Variants in FBN2 observed in about 807,000 individuals in gnomAD.
The protein encoded by FBN2 is fibrillin 2.
Under a neutral mutation model 355.6 loss-of-function variants are expected in FBN2, and 105 were observed. The ratio of observed to expected loss-of-function variants is 0.30; its 90% CI spans 0.25 to 0.35. FBN2 has a LOEUF of 0.35. Among genes scored for constraint, FBN2 ranks in the 10% least tolerant of loss-of-function variants. The pLI is 1.00. For missense variants in FBN2, 3,280 were observed against 3,758.7 expected (o/e 0.87, Z 3.33); for synonymous variants, 1,350 against 1,301.2 (o/e 1.04, Z -0.81).
At chr5:128,309,633 A>G (rs1477861899) in intron 40 of FBN2, among the ~76,000 whole-genome samples, 1 of 152,174 alleles carries the variant, frequency 6.6e-6, no homozygotes, top group Non-Finnish European at 1.5e-5. Context: ...ATGTTAATAC[A>G]TATTTGTTTT....
intron 39 of FBN2, 64 bp downstream of exon 39, chr5:128,311,236 C>T: frequency 1.3e-6 from 2 of 1,578,354 alleles, no homozygotes; most frequent in South Asian, 2.2e-5. Context: ...GCCTTTCCCT[C>T]AGGCCTCAGC....
rs1229950368 is a variant in FBN2, at chr5:128,464,751, G to T, written c.799C>A (p.Pro267Thr). 2 of 1,613,748 alleles carry T rather than the reference G, an allele frequency of 1.2e-6. No homozygotes were observed. ...QPQPCRRGFI[P>T]NIRTGACQDV... is the part of the protein sequence containing the mutation. Reference sequence around the variant, plus strand: ...TGGCAAGCTCCAGTGCGGATGTTGGGGATGAAACCCCGTCGGCAGGGCTGA... The same window carrying T: ...TGGCAAGCTCCAGTGCGGATGTTGGTGATGAAACCCCGTCGGCAGGGCTGA... Residue 267 changes from proline (P) to threonine (T), a missense_variant, in exon 6 of 65, where the codon CCC becomes ACC. This residue lies in a region of FBN2 where 343 missense variants were observed against 331.0 expected (regional missense o/e 1.04). Coordinates refer to ENST00000262464, the MANE Select transcript of FBN2 (RefSeq NM_001999.4).
chr5:128,537,188 G>T (rs527296224), intron 1 of FBN2, among the ~76,000 whole-genome samples, 162 bp downstream of exon 1: 1 of 148,952 alleles, frequency 6.7e-6, no homozygotes, highest in South Asian at 2.1e-4. Context: ...AAGGAAAAGG[G>T]GGACGCGCTC....
intron 20 of FBN2, among the ~76,000 whole-genome samples, chr5:128,356,501 A>G (rs1055115746): frequency 6.6e-6 from 1 of 152,242 alleles, no homozygotes; most frequent in East Asian, 1.9e-4. Flanking sequence ...TTTGGAATAT[A>G]TATTTAGTTC....
intron 5 of FBN2, among the ~76,000 whole-genome samples, chr5:128,468,319 A>T (rs887472820): frequency 6.6e-6 from 1 of 152,138 alleles, no homozygotes; most frequent in African/African-American, 2.4e-5. Flanking sequence ...GCTGTACTAC[A>T]TCTGTTAACC....
At chr5:128,289,977 T>C (rs369642850) in intron 50 of FBN2, 30 bp from the exon 51 acceptor site, 17 of 1,285,252 alleles carry the variant, frequency 1.3e-5, no homozygotes, top group Admixed American at 5.1e-5. Flanking sequence ...TTCTCCATTA[T>C]TGAAGACTTG....
intron 7 of FBN2, chr5:128,442,231 T>G (rs1424919889): frequency 2.3e-6 from 1 of 441,332 alleles, no homozygotes; most frequent in Non-Finnish European, 4.5e-6. Context: ...AGGGAAACTT[T>G]CCAATACAAT....
rs760762713 is a variant in FBN2, at chr5:128,307,121, C to T, written c.5422+14G>A. ...ACATATGTATTAAAACAAACATAAT[C>T]TGGAAAAACTCACCAACAGCTTTTC... On this transcript the variant is annotated intron_variant, in intron 42 of 64. Transcript: ENST00000262464. The T allele has an allele frequency of 5.8e-6, 9 of 1,556,418 alleles. No individual in the cohort carries two copies. The highest frequency in any genetic ancestry group is 7.1e-6 in the Non-Finnish European group (8 of 1,128,000).
chr5:128,495,120 G>A (rs1400227887), intron 5 of FBN2, among the ~76,000 whole-genome samples: 1 of 152,096 alleles, frequency 6.6e-6, no homozygotes, highest in Non-Finnish European at 1.5e-5. Flanking sequence ...GAACCAAGTA[G>A]AAATTCTGGA....
chr5:128,340,056 G>T (rs1008509282), intron 25 of FBN2, among the ~76,000 whole-genome samples: 3 of 152,080 alleles, frequency 2.0e-5, no homozygotes, highest in African/African-American at 7.2e-5. Flanking sequence ...CAAACACAGG[G>T]TTCTCTGAGA....
intron 7 of FBN2, among the ~76,000 whole-genome samples, chr5:128,425,742 T>A (rs1753466327): frequency 6.6e-6 from 1 of 152,194 alleles, no homozygotes; most frequent in Non-Finnish European, 1.5e-5. Context: ...CATTAGCCTC[T>A]GTGTTTTTCA....
intron 44 of FBN2, 39 bp from the exon 45 acceptor site, chr5:128,305,121 T>C (rs774873288): frequency 1.4e-6 from 2 of 1,475,860 alleles, no homozygotes; most frequent in Non-Finnish European, 1.9e-6. Flanking sequence ...GTATCTGATT[T>C]TTATTAAGAT....
At chr5:128,484,773 T>C (rs1262062620) in intron 5 of FBN2, among the ~76,000 whole-genome samples, 1 of 152,154 alleles carries the variant, frequency 6.6e-6, no homozygotes, top group African/African-American at 2.4e-5. Context: ...AAAGGTATGG[T>C]AAAGCCCAAG....
intron 5 of FBN2, among the ~76,000 whole-genome samples, chr5:128,503,486 T>C (rs1755870894): frequency 6.6e-6 from 1 of 152,100 alleles, no homozygotes; most frequent in Admixed American, 6.6e-5. Context: ...TGGAGACTTG[T>C]TGAATGGATT....
rs1754656597 is a variant in FBN2, at chr5:128,464,662, A to G, written c.826+62T>C. 5.1e-6 allele frequency: 8 copies of G among 1,566,174 alleles called. No homozygotes were observed. In the East Asian group the frequency reaches 1.6e-4, roughly 31 times the overall value. ...CTACCATCCAGTGCCAGATTCTCCA[A>G]CTCCAACAAAAAGAGAAGTGGCAGG... On this transcript the variant is annotated intron_variant, in intron 6 of 64. Coordinates refer to ENST00000262464, the MANE Select transcript of FBN2 (RefSeq NM_001999.4).
In FBN2 at chr5:128,311,927, C is replaced by T; in HGVS notation, c.4906G>A (p.Gly1636Ser). 6.2e-7 allele frequency: 1 copy of T among 1,612,158 alleles called. No homozygotes were observed. The highest frequency in any genetic ancestry group is 8.5e-7 in the Non-Finnish European group (1 of 1,178,470). The change falls in exon 38 of 65, where the codon GGT becomes AGT. Residue 1636 changes from glycine (G) to serine (S), a missense_variant. Gly to Ser is a moderately conservative substitution (Grantham distance 56, BLOSUM62 0). Transcript: ENST00000262464. ...STEYYTLCPG[G>S]EGFRPNPITI... ...ATGGGGTTAGGTCTGAAGCCTTCAC[C>T]TCCGGGACACAGGGTGTAATATTCA...
chr5:128,527,160 CAA>C (rs1006769022), intron 4 of FBN2, among the ~76,000 whole-genome samples: 4 of 152,134 alleles, frequency 2.6e-5, no homozygotes, highest in Non-Finnish European at 2.9e-5. Flanking sequence ...GACATTACTT[CAA>C]AATATGTGAA....
At chr5:128,303,924 C>A (rs914926856) in intron 45 of FBN2, among the ~76,000 whole-genome samples, 1 of 152,050 alleles carries the variant, frequency 6.6e-6, no homozygotes, top group African/African-American at 2.4e-5. Flanking sequence ...GCAAATAAGA[C>A]CAGATCCTGT....
chr5:128,330,079 T>A (rs1046850095), intron 33 of FBN2, among the ~76,000 whole-genome samples: 1 of 152,230 alleles, frequency 6.6e-6, no homozygotes, highest in Non-Finnish European at 1.5e-5. Context: ...ATAGCAGTGA[T>A]TGGATAGGTC....
Sources: allele counts gnomAD v4.1 joint callset (sites outside exome capture counted in the v4.1 genomes callset), GRCh38; gene constraint gnomAD v4.1.1; regional missense constraint gnomAD v4.1.1; transcripts MANE v1.5; gene names NCBI Gene and HGNC (gene_info 2026-07-23, HGNC 2026-07-21).